Variants in TRHDE observed in about 807,000 individuals in gnomAD.
TRHDE encodes thyrotropin-releasing hormone-degrading ectoenzyme.
In TRHDE, 72 loss-of-function variants were observed where a neutral mutation model predicts 125.7. The ratio of observed to expected loss-of-function variants is 0.57; its 90% confidence interval spans 0.47 to 0.70. TRHDE has a LOEUF of 0.70. Ranked by LOEUF, TRHDE falls within the 30% of genes least tolerant of loss-of-function variation. The pLI is 0.00. For missense variants in TRHDE, 1,110 were observed against 1,327.1 expected (o/e 0.84, Z 2.54); for synonymous variants, 509 against 509.1 (o/e 1.00, Z 0.00).
chr12:72,335,786 A>G (rs1869805900), intron 2 of TRHDE, among the ~76,000 whole-genome samples: 1 of 152,182 alleles, frequency 6.6e-6, no homozygotes. Flanking sequence ...TGGAAGCCCA[A>G]AATTGGAGAC....
At chr12:72,566,393 A>T (rs1870446650) in intron 9 of TRHDE, among the ~76,000 whole-genome samples, 1 of 151,702 alleles carries the variant, frequency 6.6e-6, no homozygotes, top group Non-Finnish European at 1.5e-5. Context: ...TAAGGTTTAT[A>T]GTTTAACTTA....
intron 10 of TRHDE, among the ~76,000 whole-genome samples, chr12:72,569,711 G>A (rs550888272): frequency 1.3e-5 from 2 of 152,252 alleles, no homozygotes; most frequent in South Asian, 2.1e-4. Flanking sequence ...AAAGACATAC[G>A]ACGAAAACAT....
intron 2 of TRHDE, among the ~76,000 whole-genome samples, chr12:72,317,658 T>G (rs533504842): frequency 6.6e-6 from 1 of 152,252 alleles, no homozygotes; most frequent in Non-Finnish European, 1.5e-5. Context: ...GAGATATAGT[T>G]TAAATTTTGG....
chr12:72,289,272 T>G (rs1411837239), intron 2 of TRHDE, among the ~76,000 whole-genome samples: 1 of 152,120 alleles, frequency 6.6e-6, no homozygotes, highest in Non-Finnish European at 1.5e-5. Flanking sequence ...TACAGCTGAA[T>G]GGTAGTAGGG....
At chr12:72,403,412 G>T (rs1327469826) in intron 3 of TRHDE, among the ~76,000 whole-genome samples, 3 of 152,132 alleles carry the variant, frequency 2.0e-5, no homozygotes, top group African/African-American at 7.2e-5. Context: ...TGCATTGTTT[G>T]CTATGTGCCA....
Position 72,181,068 on chromosome 12 carries a change from A to T in TRHDE, n.279+75316A>T, listed in dbSNP as rs539696229. Among the ~76,000 whole-genome samples, 22 of 152,338 alleles carry T rather than the reference A, an allele frequency of 1.4e-4. No homozygotes were observed. The South Asian group carries it at 4.1e-3, about 29-fold the overall frequency. ...TCTTGGTAACAAATAAGAAGGTAGAAGAAGACTGAGAATGGATGACTTATT... is the reference window on the plus strand; with the variant it reads ...TCTTGGTAACAAATAAGAAGGTAGATGAAGACTGAGAATGGATGACTTATT... On this transcript the variant is annotated intron_variant and non_coding_transcript_variant, in intron 2 of 4. Transcript: ENST00000548156.
intron 12 of TRHDE, among the ~76,000 whole-genome samples, chr12:72,617,061 T>C (rs904172423): frequency 2.6e-5 from 4 of 152,146 alleles, no homozygotes; most frequent in Non-Finnish European, 5.9e-5. Flanking sequence ...CTAGCTAAAA[T>C]ACAGTGGCTT....
At chr12:72,609,240 C>T (rs561753944) in intron 12 of TRHDE, among the ~76,000 whole-genome samples, 15 of 152,128 alleles carry the variant, frequency 9.9e-5, no homozygotes, top group South Asian at 4.1e-4. Flanking sequence ...AAAATCATTC[C>T]GAACATGTAA....
At chr12:72,438,833 C>T (rs1874865366) in intron 3 of TRHDE, among the ~76,000 whole-genome samples, 1 of 151,840 alleles carries the variant, frequency 6.6e-6, no homozygotes, top group Non-Finnish European at 1.5e-5. Flanking sequence ...TTTATGGTCA[C>T]ATCTAAAAAG....
At chr12:72,639,778 G>T (rs1301700869) in intron 15 of TRHDE, among the ~76,000 whole-genome samples, 1 of 152,128 alleles carries the variant, frequency 6.6e-6, no homozygotes, top group Admixed American at 6.5e-5. Flanking sequence ...GTGTCAGTCT[G>T]CCCCTGCTAG....
At chr12:72,483,775 G>A (rs1013328975) in intron 5 of TRHDE, among the ~76,000 whole-genome samples, 2 of 151,806 alleles carry the variant, frequency 1.3e-5, no homozygotes, top group African/African-American at 4.8e-5. Context: ...AGTTTCATTG[G>A]AAATATAAAG....
chr12:72,434,127 A>G (rs544537557), intron 3 of TRHDE, among the ~76,000 whole-genome samples: 34 of 152,204 alleles, frequency 2.2e-4, no homozygotes, highest in African/African-American at 7.9e-4. Flanking sequence ...GCTCACGCCT[A>G]TAGTCTCAGC....
chr12:72,414,137 T>G (rs1027745791), intron 3 of TRHDE, among the ~76,000 whole-genome samples: 7 of 152,166 alleles, frequency 4.6e-5, no homozygotes, highest in African/African-American at 1.7e-4. Context: ...AAAGTTGCTG[T>G]AAGCAGATTT....
intron 2 of TRHDE, among the ~76,000 whole-genome samples, chr12:72,324,970 G>A (rs907896182): frequency 1.3e-5 from 2 of 152,096 alleles, no homozygotes; most frequent in African/African-American, 4.8e-5. Context: ...TAAATGTACA[G>A]TAGGTTGTAC....
chr12:72,392,580 A>G (rs908928079), intron 3 of TRHDE, among the ~76,000 whole-genome samples: 1 of 152,188 alleles, frequency 6.6e-6, no homozygotes, highest in Non-Finnish European at 1.5e-5. Context: ...TGTAAACTAT[A>G]CAATCTCAGT....
intron 2 of TRHDE, among the ~76,000 whole-genome samples, chr12:72,171,740 G>A (rs1876879497): frequency 6.6e-6 from 1 of 152,184 alleles, no homozygotes; most frequent in African/African-American, 2.4e-5. Context: ...TCCCAGAAGA[G>A]GGTGTCTTAG....
chr12:72,108,754 A>G (rs1468163158), intron 2 of TRHDE, among the ~76,000 whole-genome samples: 1 of 152,100 alleles, frequency 6.6e-6, no homozygotes, highest in African/African-American at 2.4e-5. Context: ...GGGAACATAA[A>G]ACAAAATTTG....
intron 1 of TRHDE, among the ~76,000 whole-genome samples, chr12:72,280,252 G>A (rs1592515938): frequency 6.6e-6 from 1 of 152,122 alleles, no homozygotes; most frequent in East Asian, 1.9e-4. Context: ...ATTGTACAGG[G>A]TTGTTGTGAT....
At chr12:72,184,760 T>C (rs1300221778) in intron 2 of TRHDE, among the ~76,000 whole-genome samples, 2 of 152,238 alleles carry the variant, frequency 1.3e-5, no homozygotes, top group African/African-American at 4.8e-5. Flanking sequence ...GTGAAGGGTA[T>C]GGCTTTTTGC....
Sources: gnomAD v4.1 joint callset for allele counts (sites outside exome capture counted in the v4.1 genomes callset) on GRCh38, gnomAD v4.1.1 for gene constraint, MANE v1.5 for transcripts, NCBI Gene and HGNC (gene_info 2026-07-23, HGNC 2026-07-21) for gene names.